Variants in LRRC37A2 observed in about 807,000 individuals in gnomAD.
LRRC37A2 encodes leucine rich repeat containing 37 member A2.
LRRC37A2 carries 9 observed loss-of-function variants against 68.8 expected under a neutral mutation model. The ratio of observed to expected loss-of-function variants is 0.13; its 90% CI spans 0.08 to 0.23. The LOEUF (loss-of-function observed/expected upper bound fraction) is 0.23, where lower values mean the gene tolerates loss of function less well. LRRC37A2 is among the 10% of genes least tolerant of loss of function. The pLI, the probability that LRRC37A2 is intolerant of heterozygous loss-of-function variation, is 1.00. For synonymous variants in LRRC37A2, 63 were observed against 367.6 expected (o/e 0.17, Z 9.48); for missense variants, 168 against 950.4 (o/e 0.18, Z 10.82).
At chr17:46,818,582 G>C in the LRRC37A2 span, 2 of 1,603,096 alleles carry the variant, frequency 1.2e-6, no homozygotes, top group South Asian at 2.3e-5. Context: ...AGCAGCCCGA[G>C]CAGGTGGGGC....
At chr17:46,774,998 T>C in the LRRC37A2 span, among the ~76,000 whole-genome samples, 8 of 152,126 alleles carry the variant, frequency 5.3e-5, no homozygotes, top group Non-Finnish European at 8.8e-5. Flanking sequence ...AGCATTGGCC[T>C]AAGTCAAGTT....
At chr17:47,010,307 G>C in the LRRC37A2 span, among the ~76,000 whole-genome samples, 1 of 152,232 alleles carries the variant, frequency 6.6e-6, no homozygotes, top group Non-Finnish European at 1.5e-5. Flanking sequence ...TGGTGCACAA[G>C]TGTTCCTATG....
At chr17:46,842,379 T>C in the LRRC37A2 span, among the ~76,000 whole-genome samples, 1 of 152,116 alleles carries the variant, frequency 6.6e-6, no homozygotes, top group Non-Finnish European at 1.5e-5. Context: ...TCTTTATTTA[T>C]TTGGTTGTTT....
the LRRC37A2 span, chr17:47,021,702 A>C: frequency 1.4e-6 from 1 of 737,984 alleles, no homozygotes; most frequent in East Asian, 2.6e-5. Flanking sequence ...TGAATTGTGC[A>C]AACTGGGAAG....
the LRRC37A2 span, chr17:46,938,762 C>G: frequency 6.2e-7 from 1 of 1,613,670 alleles, no homozygotes; most frequent in East Asian, 2.2e-5. Flanking sequence ...CTGACATGAG[C>G]CAGCCACGCT....
At chr17:46,844,900 T>A in the LRRC37A2 span, among the ~76,000 whole-genome samples, 1 of 151,984 alleles carries the variant, frequency 6.6e-6, no homozygotes, top group East Asian at 1.9e-4. Context: ...AGGGCTGGAG[T>A]GCAATGGTGG....
chr17:46,867,275 T>G, the LRRC37A2 span, among the ~76,000 whole-genome samples: 1 of 152,254 alleles, frequency 6.6e-6, no homozygotes, highest in Non-Finnish European at 1.5e-5. Flanking sequence ...TGGAGCTTAC[T>G]GTGTGCTCAC....
At chr17:46,979,109 C>T in the LRRC37A2 span, 2 of 1,176,598 alleles carry the variant, frequency 1.7e-6, no homozygotes, top group African/African-American at 1.6e-5. Flanking sequence ...CGGACCGGCT[C>T]CTGCGGTACG....
chr17:46,713,348 A>G, the LRRC37A2 span: 1 of 153,502 alleles, frequency 6.5e-6, no homozygotes, highest in Non-Finnish European at 1.4e-5. Flanking sequence ...GAAGGCAGGG[A>G]TGTCTAAATG....
chr17:46,694,284 G>A, the LRRC37A2 span, among the ~76,000 whole-genome samples: 1 of 138,680 alleles, frequency 7.2e-6, no homozygotes, highest in Non-Finnish European at 1.5e-5. Flanking sequence ...CTACTCGGAA[G>A]GCTGAGATAG....
At chr17:46,936,914 G>A in the LRRC37A2 span, 10 of 598,524 alleles carry the variant, frequency 1.7e-5, no homozygotes, top group Non-Finnish European at 2.1e-5. Context: ...GATGCCTAAT[G>A]TTGATCTCAC....
At chr17:46,839,388 CGTGGT>C in the LRRC37A2 span, among the ~76,000 whole-genome samples, 2 of 152,172 alleles carry the variant, frequency 1.3e-5, no homozygotes, top group Non-Finnish European at 1.5e-5. Flanking sequence ...GCAGCACTGG[CGTGGT>C]GTCCACTTTT....
chr17:46,497,620 ATC>A, the LRRC37A2 span, among the ~76,000 whole-genome samples: 1 of 150,710 alleles, frequency 6.6e-6, no homozygotes, highest in African/African-American at 2.5e-5. Flanking sequence ...GTGTGTATAT[ATC>A]TATATACACT....
chr17:46,897,349 C>T, the LRRC37A2 span, among the ~76,000 whole-genome samples: 7 of 152,186 alleles, frequency 4.6e-5, no homozygotes, highest in Non-Finnish European at 1.0e-4. Context: ...TTAGCAGGAC[C>T]ACTGATGCCT....
At chr17:46,962,502 C>A in the LRRC37A2 span, among the ~76,000 whole-genome samples, 2 of 152,186 alleles carry the variant, frequency 1.3e-5, no homozygotes, top group Non-Finnish European at 2.9e-5. Context: ...TATGCTGATT[C>A]TGGGCCAATT....
chr17:46,777,044 C>G, the LRRC37A2 span, among the ~76,000 whole-genome samples: 5 of 152,088 alleles, frequency 3.3e-5, no homozygotes, highest in Non-Finnish European at 4.4e-5. Flanking sequence ...GCCCATTATA[C>G]AGATGAAAAA....
At chr17:46,904,743 A>G in the LRRC37A2 span, among the ~76,000 whole-genome samples, 199 of 152,316 alleles carry the variant, frequency 1.3e-3, no homozygotes, top group African/African-American at 4.5e-3. Context: ...TAAAGTTTCA[A>G]ACTCAGGAGA....
the LRRC37A2 span, among the ~76,000 whole-genome samples, chr17:46,872,930 G>A: frequency 1.3e-5 from 2 of 152,126 alleles, no homozygotes; most frequent in African/African-American, 4.8e-5. Context: ...AGAGTCACAA[G>A]AGTTAATGAG....
chr17:46,873,147 T>G, the LRRC37A2 span, among the ~76,000 whole-genome samples: 1 of 149,478 alleles, frequency 6.7e-6, no homozygotes, highest in African/African-American at 2.5e-5. Context: ...ACAAGGCACA[T>G]GAAGACGTGA....
Sources: allele counts gnomAD v4.1 joint callset (sites outside exome capture counted in the v4.1 genomes callset), GRCh38; gene constraint gnomAD v4.1.1; transcripts MANE v1.5; gene names NCBI Gene and HGNC (gene_info 2026-07-23, HGNC 2026-07-21).